Variants in TTC6 observed in about 807,000 individuals in gnomAD.
The protein encoded by TTC6 is tetratricopeptide repeat domain 6.
A neutral mutation model predicts 210.4 loss-of-function variants in TTC6; 172 were observed. The observed-to-expected ratio is 0.82, with a 90% CI of 0.72 to 0.93. TTC6 has a LOEUF of 0.93. Among genes scored for constraint, TTC6 ranks in the 40% least tolerant of loss-of-function variants. TTC6 has a pLI of 0.00. For missense variants in TTC6, 2,414 were observed against 2,318.1 expected, an observed-to-expected ratio of 1.04 and a Z score of -0.85; for synonymous variants, 804 against 819.6, an observed-to-expected ratio of 0.98 and a Z score of 0.32.
intron 1 of TTC6, among the ~76,000 whole-genome samples, chr14:37,602,481 G>A (rs1462606582): frequency 6.6e-6 from 1 of 152,190 alleles, no homozygotes; most frequent in Non-Finnish European, 1.5e-5. Flanking sequence ...CACGAAAGCA[G>A]GAGTTGGGGG....
intron 26 of TTC6, among the ~76,000 whole-genome samples, chr14:37,823,057 T>A (rs1306058365): frequency 6.6e-6 from 1 of 152,166 alleles, no homozygotes; most frequent in African/African-American, 2.4e-5. Context: ...TAAATATTAT[T>A]ATTAGATATG....
intron 1 of TTC6, among the ~76,000 whole-genome samples, chr14:37,639,171 G>C (rs541314872): frequency 6.6e-6 from 1 of 152,038 alleles, no homozygotes; most frequent in Admixed American, 6.6e-5. Context: ...ATGTTTTCTT[G>C]GCCCTTTGCT....
chr14:37,701,497 T>C, exon 5 of TTC6: 1 of 1,509,292 alleles, frequency 6.6e-7, no homozygotes, highest in Non-Finnish European at 8.8e-7. Flanking sequence ...TCTTAGATGA[T>C]CGCTTTACAG....
chr14:37,627,089 T>C (rs1358946476), intron 1 of TTC6, among the ~76,000 whole-genome samples: 1 of 152,030 alleles, frequency 6.6e-6, no homozygotes, highest in African/African-American at 2.4e-5. Context: ...TAAAAATGTG[T>C]GGCCCCTTCC....
intron 6 of TTC6, among the ~76,000 whole-genome samples, chr14:37,718,546 A>G (rs1165520588): frequency 7.3e-6 from 1 of 137,566 alleles, no homozygotes; most frequent in East Asian, 2.0e-4. Flanking sequence ...GCATTAAGGC[A>G]AGAAGTGGGA....
chr14:37,808,744 A>G, exon 24 of TTC6: 1 of 1,485,132 alleles, frequency 6.7e-7, no homozygotes, highest in South Asian at 1.3e-5. Flanking sequence ...CTTATAAGCT[A>G]GCAATTACAG....
intron 27 of TTC6, 27 bp from the exon 30 acceptor site, chr14:37,826,167 AC>A: frequency 6.3e-7 from 1 of 1,575,482 alleles, no homozygotes; most frequent in Middle Eastern, 1.7e-4. Flanking sequence ...AGTATTTCCT[AC>A]TTCGTGTAAT....
intron 2 of TTC6, among the ~76,000 whole-genome samples, chr14:37,616,629 G>A (rs921218884): frequency 3.9e-5 from 6 of 151,916 alleles, no homozygotes; most frequent in South Asian, 4.2e-4. Flanking sequence ...CCCGGGAGAC[G>A]GAGCTTGCGG....
exon 5 of TTC6, chr14:37,701,412 G>A (rs1260320827): frequency 7.2e-6 from 11 of 1,532,600 alleles, no homozygotes; most frequent in East Asian, 4.9e-5. Flanking sequence ...GTTGACTTGC[G>A]CCTGGCTTCT....
intron 27 of TTC6, among the ~76,000 whole-genome samples, chr14:37,825,501 A>T (rs953943217): frequency 2.0e-5 from 3 of 152,034 alleles, no homozygotes; most frequent in Non-Finnish European, 2.9e-5. Context: ...CAGACTCCAG[A>T]CTGTACTGAA....
At chr14:37,627,440 C>T (rs2095662218) in intron 1 of TTC6, among the ~76,000 whole-genome samples, 1 of 152,036 alleles carries the variant, frequency 6.6e-6, no homozygotes, top group Non-Finnish European at 1.5e-5. Flanking sequence ...TCTTCTAATG[C>T]TATCCCTCCC....
chr14:37,689,542 C>G (rs1399804493), intron 3 of TTC6, among the ~76,000 whole-genome samples: 3 of 151,714 alleles, frequency 2.0e-5, no homozygotes, highest in Non-Finnish European at 2.9e-5. Flanking sequence ...TCCCAAAGGT[C>G]AAGGATAAAG....
rs116766372 is a variant in TTC6 at position 37,737,818 on chromosome 14, C to G, written c.1983+84C>G. The G allele has an allele frequency of 7.6e-3, 4,260 of 563,738 alleles. 130 individuals carry two copies. Among genetic ancestry groups the G allele is most frequent in the African/African-American group, 0.072 (3,730 of 51,794 alleles). The allele number at this position is 563,738 out of a possible 1,614,324, so 34.9% of individuals were successfully genotyped here. A position where few individuals can be genotyped will look rare whatever the true frequency, so the allele number is the denominator to read the frequency against. On this transcript the variant is annotated intron_variant, in intron 9 of 30. Coordinates refer to ENST00000553443, the Ensembl canonical transcript of TTC6. ...TAATCACCTTATTTTTTTTTAAAAG[C>G]ATCTACTTCTATATTATATTCTCTA...
At chr14:37,606,166 A>G (rs1000131030) in intron 1 of TTC6, among the ~76,000 whole-genome samples, 1 of 152,194 alleles carries the variant, frequency 6.6e-6, no homozygotes, top group South Asian at 2.1e-4. Flanking sequence ...AATCAATGCC[A>G]GGGAGAACCC....
chr14:37,760,647 G>A (rs1323371985), intron 14 of TTC6, among the ~76,000 whole-genome samples: 1 of 152,160 alleles, frequency 6.6e-6, no homozygotes, highest in African/African-American at 2.4e-5. Context: ...CTCTGTCCCA[G>A]GGAGATGGGA....
chr14:37,603,570 C>G (rs1014578430), intron 1 of TTC6, among the ~76,000 whole-genome samples: 1 of 152,144 alleles, frequency 6.6e-6, no homozygotes, highest in South Asian at 2.1e-4. Flanking sequence ...AAATTTAGGG[C>G]GAAAGCTTTC....
intron 1 of TTC6, among the ~76,000 whole-genome samples, chr14:37,605,138 A>G (rs1172307981): frequency 6.6e-6 from 1 of 152,200 alleles, no homozygotes; most frequent in Non-Finnish European, 1.5e-5. Flanking sequence ...ACCAAATCAC[A>G]GAGGGGCTTC....
intron 10 of TTC6, among the ~76,000 whole-genome samples, chr14:37,748,192 T>C (rs2095941695): frequency 6.6e-6 from 1 of 152,142 alleles, no homozygotes; most frequent in Non-Finnish European, 1.5e-5. Flanking sequence ...AATAGATAAC[T>C]TATGAAAGTA....
At chr14:37,714,698 G>A (rs764988185) in exon 6 of TTC6, 7 of 1,535,612 alleles carry the variant, frequency 4.6e-6, no homozygotes, top group African/African-American at 1.4e-5. Context: ...CCAAGAATAT[G>A]TCCATATTCC....
Sources: allele counts gnomAD v4.1 joint callset (sites outside exome capture counted in the v4.1 genomes callset), GRCh38; gene constraint gnomAD v4.1.1; transcripts MANE v1.5; gene names NCBI Gene and HGNC (gene_info 2026-07-23, HGNC 2026-07-21).